Variants in GNG12 observed in about 807,000 individuals in gnomAD.
GNG12 encodes guanine nucleotide-binding protein G(I)/G(S)/G(O) subunit gamma-12.
For missense variants in GNG12, 69 were observed against 83.8 expected (o/e 0.82, Z 0.69); for synonymous variants, 28 against 29.7 (o/e 0.94, Z 0.19).
At chr1:67,752,302 A>C (rs1646543677) in intron 2 of GNG12, among the ~76,000 whole-genome samples, 1 of 152,192 alleles carries the variant, frequency 6.6e-6, no homozygotes, top group Admixed American at 6.5e-5. Flanking sequence ...GTCTCACTGG[A>C]GAGAAGAGGG....
chr1:67,735,503 C>T (rs1028140823), intron 2 of GNG12, among the ~76,000 whole-genome samples: 2 of 152,198 alleles, frequency 1.3e-5, no homozygotes, highest in African/African-American at 2.4e-5. Context: ...TTGGAGCCTG[C>T]GTCCTCATCT....
chr1:67,711,194 T>C (rs528437333), intron 2 of GNG12, among the ~76,000 whole-genome samples: 5 of 152,340 alleles, frequency 3.3e-5, no homozygotes, highest in African/African-American at 9.6e-5. Context: ...TGTATAGCAA[T>C]TGCTTTGGGA....
At chr1:67,803,129 A>T (rs1419566056) in intron 1 of GNG12, among the ~76,000 whole-genome samples, 1 of 152,216 alleles carries the variant, frequency 6.6e-6, no homozygotes, top group Non-Finnish European at 1.5e-5. Flanking sequence ...CATTTCTTAG[A>T]TTACATTGGT....
Position 67,814,958 on chromosome 1 carries a change from T to C in GNG12, c.-77+18386A>G, listed in dbSNP as rs533392611. Among the ~76,000 whole-genome samples the C allele has an allele frequency of 4.6e-5, 7 of 152,326 alleles. No individual in the cohort carries two copies. The South Asian group carries it at 1.0e-3, about 23-fold the overall frequency. On this transcript the variant is annotated intron_variant, in intron 1 of 3. Transcript: ENST00000370982. ...ACAAAGTTACTTCCCATAATCAAAG[T>C]TGTAAAAAGTTAGTTTCAAAACCAA...
chr1:67,729,273 T>C (rs767296778), intron 2 of GNG12, among the ~76,000 whole-genome samples: 3 of 152,212 alleles, frequency 2.0e-5, no homozygotes, highest in Non-Finnish European at 4.4e-5. Context: ...TCTATGGTCC[T>C]GGGGACCTGT....
At chr1:67,822,287 C>A (rs1270536746) in intron 1 of GNG12, among the ~76,000 whole-genome samples, 1 of 151,974 alleles carries the variant, frequency 6.6e-6, no homozygotes, top group Non-Finnish European at 1.5e-5. Flanking sequence ...AGATTGGACA[C>A]CCCTGGGCTA....
At chr1:67,752,861 C>CA (rs1646546658) in intron 2 of GNG12, among the ~76,000 whole-genome samples, 1 of 152,196 alleles carries the variant, frequency 6.6e-6, no homozygotes, top group Admixed American at 6.5e-5. Flanking sequence ...CACTGTTAGA[C>CA]ACTAAGTGCC....
intron 1 of GNG12, among the ~76,000 whole-genome samples, chr1:67,807,430 AAAAAT>A (rs1444307877): frequency 1.3e-5 from 2 of 151,912 alleles, no homozygotes; most frequent in Non-Finnish European, 2.9e-5. Context: ...ATATACAAAG[AAAAAT>A]AAAATAAAAA....
intron 1 of GNG12, among the ~76,000 whole-genome samples, chr1:67,795,263 T>C (rs559853461): frequency 6.6e-6 from 1 of 152,222 alleles, no homozygotes; most frequent in Non-Finnish European, 1.5e-5. Context: ...GCACCTTTTC[T>C]TGACATTTGA....
chr1:67,737,392 G>A (rs1395270047), intron 2 of GNG12, among the ~76,000 whole-genome samples: 4 of 152,212 alleles, frequency 2.6e-5, no homozygotes, highest in Non-Finnish European at 1.5e-5. Context: ...TTGGCCTGAA[G>A]AAAGTTGGTT....
At chr1:67,801,929 G>T (rs1163422591) in intron 1 of GNG12, among the ~76,000 whole-genome samples, 2 of 135,706 alleles carry the variant, frequency 1.5e-5, no homozygotes, top group African/African-American at 2.5e-5. Context: ...GGAAGGAAGG[G>T]AAGGGGGAAG....
chr1:67,798,714 G>A (rs1040933004), intron 1 of GNG12, among the ~76,000 whole-genome samples: 2 of 152,184 alleles, frequency 1.3e-5, no homozygotes, highest in South Asian at 2.1e-4. Flanking sequence ...CCAGCACTTC[G>A]GTTGGCTGAG....
chr1:67,706,915 C>T (rs1008102731), intron 3 of GNG12, among the ~76,000 whole-genome samples: 10 of 152,204 alleles, frequency 6.6e-5, no homozygotes, highest in Non-Finnish European at 1.3e-4. Context: ...CCGCCTCGGC[C>T]TCCCAAAGTG....
At chr1:67,784,776 T>C (rs139320789) in intron 1 of GNG12, among the ~76,000 whole-genome samples, 1,877 of 151,686 alleles carry the variant, frequency 0.012, 19 homozygotes, top group Non-Finnish European at 0.021. Flanking sequence ...TTTTCACTTA[T>C]ATAGCATTTC....
At chr1:67,827,864 A>G (rs1647020375) in intron 1 of GNG12, among the ~76,000 whole-genome samples, 1 of 152,232 alleles carries the variant, frequency 6.6e-6, no homozygotes, top group African/African-American at 2.4e-5. Context: ...GACTAACATG[A>G]TAAACCAAAC....
At chr1:67,801,443 C>T (rs771427152) in intron 1 of GNG12, among the ~76,000 whole-genome samples, 6 of 152,184 alleles carry the variant, frequency 3.9e-5, no homozygotes, top group Admixed American at 6.5e-5. Context: ...AAATCCCATG[C>T]GCTTCCCTAC....
rs1273078057 is a variant in GNG12, at chr1:67,703,106, C to T, written c.*2345G>A. 6.6e-6 allele frequency: 1 copy of T among 152,166 alleles called. No individual in the cohort carries two copies. The highest frequency in any genetic ancestry group is 1.5e-5 in the Non-Finnish European group (1 of 68,026). 9.4% of individuals were successfully genotyped at this position (152,166 alleles called of 1,614,324 possible). On this transcript the variant is annotated 3_prime_UTR_variant, in exon 4 of 4. Transcript: ENST00000370982. ...TAAGTAAATCAACATTTAGCTACAA[C>T]TTTTCCTCTCTTGGGTCCAGCATCA...
intron 2 of GNG12, among the ~76,000 whole-genome samples, chr1:67,751,320 C>T (rs774985610): frequency 3.3e-5 from 5 of 152,160 alleles, no homozygotes; most frequent in Non-Finnish European, 7.3e-5. Flanking sequence ...TATAGTTGTT[C>T]AACAGAGAGG....
intron 2 of GNG12, among the ~76,000 whole-genome samples, chr1:67,750,363 C>T (rs1241415482): frequency 3.3e-5 from 5 of 152,214 alleles, no homozygotes; most frequent in African/African-American, 1.2e-4. Context: ...CTCTTTCACA[C>T]TGCTGCCTGC....
Sources: allele counts gnomAD v4.1 joint callset (sites outside exome capture counted in the v4.1 genomes callset), GRCh38; gene constraint gnomAD v4.1.1; transcripts MANE v1.5; gene names NCBI Gene and HGNC (gene_info 2026-07-23, HGNC 2026-07-21).